GNA14: variants seen among roughly 807,000 people sequenced by gnomAD.
GNA14 encodes guanine nucleotide-binding protein subunit alpha-14.
Under a neutral mutation model 42.0 loss-of-function variants are expected in GNA14, and 50 were observed. That is an observed-to-expected ratio of 1.19 (90% confidence interval 0.95 to 1.51). The LOEUF is 1.51. Ranked by LOEUF, GNA14 falls within the 40% of genes most tolerant of loss-of-function variation. The pLI is 0.00. For synonymous variants in GNA14, 173 were observed against 163.1 expected, an observed-to-expected ratio of 1.06 and a Z score of -0.46; for missense variants, 473 against 446.2, an observed-to-expected ratio of 1.06 and a Z score of -0.54.
intron 3 of GNA14, among the ~76,000 whole-genome samples, chr9:77,432,272 T>C (rs1835569193): frequency 1.3e-5 from 2 of 152,166 alleles, no homozygotes; most frequent in Admixed American, 1.3e-4. Context: ...CAGGTCCGCA[T>C]GCAGGCTAAC....
At position 77,556,299 on chromosome 9, in the gene GNA14, G is replaced by A. The variant is rs114018133; in HGVS notation, c.125-27046C>T. ...CGTTCACAGTTGCATATCTACAAAA[G>A]ATATGGAGAGTGAATTCAAACACAT... On this transcript the variant is annotated intron_variant, in intron 1 of 6. Transcript: ENST00000341700. Among the ~76,000 whole-genome samples the A allele has an allele frequency of 1.6e-4, 24 of 152,206 alleles. No homozygotes were observed. The South Asian group carries it at 4.8e-3, about 30-fold the overall frequency.
intron 1 of GNA14, among the ~76,000 whole-genome samples, chr9:77,627,781 A>G (rs1324106461): frequency 6.6e-6 from 1 of 152,194 alleles, no homozygotes; most frequent in African/African-American, 2.4e-5. Context: ...CCCACAGCCA[A>G]TATCATACTG....
At chr9:77,551,819 G>T (rs1365194505) in intron 1 of GNA14, among the ~76,000 whole-genome samples, 2 of 151,886 alleles carry the variant, frequency 1.3e-5, no homozygotes, top group Non-Finnish European at 2.9e-5. Flanking sequence ...ATTTTAGAAG[G>T]CCAGTATTTG....
At chr9:77,571,941 C>G (rs374663612) in intron 1 of GNA14, among the ~76,000 whole-genome samples, 1 of 151,738 alleles carries the variant, frequency 6.6e-6, no homozygotes, top group East Asian at 1.9e-4. Context: ...TTTCCACCAA[C>G]TGGCTGCTCA....
chr9:77,425,677 G>A lies in GNA14; in HGVS notation c.762C>T (p.Ile254=). The change falls in exon 6 of 7, where the codon ATC becomes ATT. Residue 254 remains isoleucine (I), a synonymous_variant. Transcript: ENST00000341700. ...MEESKALFKT[I]ITYPWFLNSS... is the part of the protein sequence containing the mutation. ...AATTCAGAAACCAGGGGTAGGTGAT[G>A]ATGGTTTTAAATAAGGCTTTGCTCT... is the stretch of plus-strand genomic sequence containing the variant. 7.5e-6 allele frequency: 12 copies of A among 1,610,102 alleles called. No homozygotes were observed. Among genetic ancestry groups the A allele is most frequent in the Non-Finnish European group, 1.0e-5 (12 of 1,176,628 alleles).
At chr9:77,642,983 G>A (rs951952538) in intron 1 of GNA14, among the ~76,000 whole-genome samples, 1 of 152,128 alleles carries the variant, frequency 6.6e-6, no homozygotes, top group East Asian at 1.9e-4. Context: ...GGCCCACTCA[G>A]ATGATGCCTC....
chr9:77,509,129 C>G (rs1479021428), intron 2 of GNA14, among the ~76,000 whole-genome samples: 1 of 152,142 alleles, frequency 6.6e-6, no homozygotes, highest in Non-Finnish European at 1.5e-5. Flanking sequence ...TCAGTCCCTG[C>G]CATCCACCAT....
intron 2 of GNA14, among the ~76,000 whole-genome samples, chr9:77,501,449 G>C (rs988709677): frequency 6.6e-6 from 1 of 152,058 alleles, no homozygotes; most frequent in Non-Finnish European, 1.5e-5. Context: ...TTTCCTAATA[G>C]CTAATGAATG....
At chr9:77,482,226 C>T (rs1836567613) in intron 2 of GNA14, among the ~76,000 whole-genome samples, 1 of 151,728 alleles carries the variant, frequency 6.6e-6, no homozygotes, top group Non-Finnish European at 1.5e-5. Flanking sequence ...CCTTCAGGAG[C>T]TCTTTTAGGG....
At chr9:77,592,847 C>G (rs1420793034) in intron 1 of GNA14, among the ~76,000 whole-genome samples, 2 of 152,196 alleles carry the variant, frequency 1.3e-5, no homozygotes, top group Non-Finnish European at 2.9e-5. Flanking sequence ...GAACTCATAA[C>G]TGGACTGTGC....
chr9:77,624,105 G>C (rs1293466450), intron 1 of GNA14, among the ~76,000 whole-genome samples: 2 of 152,182 alleles, frequency 1.3e-5, no homozygotes, highest in Non-Finnish European at 2.9e-5. Flanking sequence ...CGCCATTACT[G>C]AGGTTTGAGT....
chr9:77,518,484 C>T (rs1294638966), intron 2 of GNA14, among the ~76,000 whole-genome samples: 2 of 151,920 alleles, frequency 1.3e-5, no homozygotes, highest in African/African-American at 2.4e-5. Flanking sequence ...GAGTTCAGAG[C>T]CTTGGGGAGA....
intron 2 of GNA14, among the ~76,000 whole-genome samples, chr9:77,516,657 C>T (rs1367760031): frequency 6.8e-6 from 1 of 146,842 alleles, no homozygotes; most frequent in Non-Finnish European, 1.5e-5. Context: ...ATCTAGGAGG[C>T]GGAGGTTGCA....
chr9:77,441,116 A>C (rs1253932701), intron 2 of GNA14, among the ~76,000 whole-genome samples: 1 of 152,252 alleles, frequency 6.6e-6, no homozygotes, highest in African/African-American at 2.4e-5. Context: ...TTTCGTTAAA[A>C]TTAATATTTG....
At chr9:77,471,276 G>A (rs191305463) in intron 2 of GNA14, among the ~76,000 whole-genome samples, 2 of 152,292 alleles carry the variant, frequency 1.3e-5, no homozygotes, top group East Asian at 3.9e-4. Flanking sequence ...TGGAGCTACT[G>A]AGGTTGTATG....
chr9:77,604,491 T>A (rs1354325108), intron 1 of GNA14, among the ~76,000 whole-genome samples: 1 of 152,216 alleles, frequency 6.6e-6, no homozygotes, highest in Non-Finnish European at 1.5e-5. Context: ...CCTGGCCACA[T>A]GAGCAATGGA....
intron 1 of GNA14, among the ~76,000 whole-genome samples, chr9:77,546,685 A>T (rs982936177): frequency 1.3e-5 from 2 of 152,164 alleles, no homozygotes; most frequent in African/African-American, 4.8e-5. Flanking sequence ...TTTTCAATGT[A>T]TCTCTTACTG....
At chr9:77,494,210 G>A (rs962355302) in intron 2 of GNA14, among the ~76,000 whole-genome samples, 21 of 152,062 alleles carry the variant, frequency 1.4e-4, no homozygotes, top group African/African-American at 4.6e-4. Context: ...GTGAGCCACC[G>A]TGCCCGGCCA....
intron 1 of GNA14, among the ~76,000 whole-genome samples, chr9:77,616,651 G>A (rs1171300141): frequency 1.3e-5 from 2 of 152,180 alleles, no homozygotes; most frequent in African/African-American, 4.8e-5. Context: ...ACAGAAACAG[G>A]ACCTCTTAGC....
Sources: allele counts gnomAD v4.1 joint callset (sites outside exome capture counted in the v4.1 genomes callset), GRCh38; gene constraint gnomAD v4.1.1; transcripts MANE v1.5; gene names NCBI Gene and HGNC (gene_info 2026-07-23, HGNC 2026-07-21).